The following KDM1A variants were observed in gnomAD, a reference collection of about 807,000 sequenced individuals.
KDM1A encodes lysine-specific histone demethylase 1A.
In KDM1A, 49 loss-of-function variants were observed where a neutral mutation model predicts 109.4. The ratio of observed to expected loss-of-function variants is 0.45; its 90% CI spans 0.36 to 0.57. KDM1A has a LOEUF of 0.57. KDM1A is among the 20% of genes least tolerant of loss of function. KDM1A has a pLI of 0.00. For synonymous variants in KDM1A, 380 were observed against 415.4 expected (o/e 0.91, Z 1.04); for missense variants, 668 against 1,116.6 (o/e 0.60, Z 5.73).
intron 16 of KDM1A, 97 bp from the exon 17 acceptor site, chr1:23,078,893 T>A (rs1164522350): frequency 9.3e-7 from 1 of 1,077,716 alleles, no homozygotes; most frequent in Non-Finnish European, 1.3e-6. Flanking sequence ...AAATGAGAAT[T>A]GAGAAATGGA....
At chr1:23,055,859 T>G in intron 6 of KDM1A, 73 bp from the exon 7 acceptor site, 1 of 907,950 alleles carries the variant, frequency 1.1e-6, no homozygotes, top group Non-Finnish European at 1.7e-6. Flanking sequence ...CCTAGAGGTT[T>G]TCATGAAATA....
At chr1:23,055,251 T>G in intron 6 of KDM1A, 90 bp downstream of exon 6, 1 of 606,624 alleles carries the variant, frequency 1.6e-6, no homozygotes, top group Non-Finnish European at 2.8e-6. Flanking sequence ...GTTAGGATTT[T>G]ATTTTGATTC....
At chr1:23,048,148 C>T (rs988168654) in intron 3 of KDM1A, among the ~76,000 whole-genome samples, 5 of 151,634 alleles carry the variant, frequency 3.3e-5, no homozygotes, top group Admixed American at 6.6e-5. Flanking sequence ...ATGAATTATA[C>T]CAAGAATTGA....
chr1:23,083,604 T>C lies in KDM1A; in HGVS notation c.*240T>C, dbSNP rs1643685743. The C allele has an allele frequency of 2.6e-6, 1 of 377,874 alleles. No individual in the cohort carries two copies. The highest frequency in any genetic ancestry group is 4.1e-5 in the Admixed American group (1 of 24,622). The allele number at this position is 377,874 out of a possible 1,614,324, so 23.4% of individuals were successfully genotyped here. A position where few individuals can be genotyped will look rare whatever the true frequency, so the allele number is the denominator to read the frequency against. On this transcript the variant is annotated 3_prime_UTR_variant, in exon 21 of 21. Transcript: ENST00000400181. ...CGTAAAGACTGAGGCAAGCAAGTGC[T>C]GTGAAATAACATCATCTTAGTCCCT...
intron 2 of KDM1A, among the ~76,000 whole-genome samples, chr1:23,037,513 A>G (rs1191568071): frequency 2.6e-5 from 4 of 152,220 alleles, no homozygotes; most frequent in African/African-American, 9.7e-5. Context: ...AATTTAGCTG[A>G]TAAACATGCA....
intron 5 of KDM1A, among the ~76,000 whole-genome samples, chr1:23,054,244 T>C (rs1642757500): frequency 1.3e-5 from 2 of 152,088 alleles, no homozygotes; most frequent in Admixed American, 1.3e-4. Context: ...ATTCCATTTG[T>C]GGTGGAATGA....
Position 23,019,962 on chromosome 1 carries a change from T to A in KDM1A, c.351+15T>A. 6.6e-7 allele frequency: 1 copy of A among 1,513,452 alleles called. No individual in the cohort carries two copies. Among genetic ancestry groups the A allele is most frequent in the Non-Finnish European group, 8.8e-7 (1 of 1,135,524 alleles). 93.8% of individuals were successfully genotyped at this position (1,513,452 alleles called of 1,614,324 possible). A position where few individuals can be genotyped will look rare whatever the true frequency, so the allele number is the denominator to read the frequency against. On this transcript the variant is annotated intron_variant, in intron 1 of 20. Transcript: ENST00000400181. ...AGCGGGCGAAGGTAAGGCTCGACCC[T>A]TCCCTCAAACGACACCGCCTGGTGC...
intron 4 of KDM1A, 134 bp downstream of exon 4, chr1:23,050,654 C>T (rs1569725749): frequency 2.9e-6 from 2 of 685,110 alleles, no homozygotes; most frequent in Admixed American, 4.0e-5. Context: ...CAGAGATAAC[C>T]TTTGTTAATA....
intron 12 of KDM1A, 74 bp from the exon 13 acceptor site, chr1:23,071,151 A>G (rs1455750583): frequency 7.4e-7 from 1 of 1,352,570 alleles, no homozygotes; most frequent in African/African-American, 1.5e-5. Context: ...TGAGGAGCCA[A>G]AAAAGGGTAC....
At chr1:23,040,576 A>C (rs1642280939) in intron 2 of KDM1A, among the ~76,000 whole-genome samples, 1 of 151,902 alleles carries the variant, frequency 6.6e-6, no homozygotes, top group Non-Finnish European at 1.5e-5. Context: ...GTGGGAGGCT[A>C]GGAGTTCAAA....
chr1:23,072,605 C>T (rs894204581), intron 14 of KDM1A, among the ~76,000 whole-genome samples: 3 of 152,186 alleles, frequency 2.0e-5, no homozygotes, highest in African/African-American at 7.2e-5. Context: ...TGCATCCAGC[C>T]TCCACATAAA....
chr1:23,045,408 A>G (rs571228877), intron 3 of KDM1A, among the ~76,000 whole-genome samples: 39 of 152,318 alleles, frequency 2.6e-4, no homozygotes, highest in African/African-American at 8.4e-4. Flanking sequence ...TAATACAGCA[A>G]TTAGTAATAA....
At chr1:23,058,330 C>T (rs1454633547) in intron 8 of KDM1A, among the ~76,000 whole-genome samples, 1 of 152,128 alleles carries the variant, frequency 6.6e-6, no homozygotes, top group South Asian at 2.1e-4. Context: ...CCACCCACCT[C>T]GGCCTCCCAA....
chr1:23,077,040 T>C (rs1454868507), intron 15 of KDM1A, among the ~76,000 whole-genome samples, 188 bp from the exon 16 acceptor site: 1 of 151,894 alleles, frequency 6.6e-6, no homozygotes, highest in Non-Finnish European at 1.5e-5. Flanking sequence ...CATTTTTTGG[T>C]GTTTTCTCTT....
At chr1:23,070,347 T>G (rs1643281489) in intron 12 of KDM1A, among the ~76,000 whole-genome samples, 1 of 152,120 alleles carries the variant, frequency 6.6e-6, no homozygotes, top group South Asian at 2.1e-4. Flanking sequence ...AGCACACACC[T>G]GTAATCCCAG....
At chr1:23,040,615 G>A (rs1002201086) in intron 2 of KDM1A, among the ~76,000 whole-genome samples, 12 of 148,074 alleles carry the variant, frequency 8.1e-5, no homozygotes, top group African/African-American at 2.5e-4. Context: ...TCGAGAACTC[G>A]TCTCTACAAA....
At chr1:23,051,031 G>T (rs1312741391) in intron 4 of KDM1A, among the ~76,000 whole-genome samples, 1 of 152,174 alleles carries the variant, frequency 6.6e-6, no homozygotes, top group Non-Finnish European at 1.5e-5. Flanking sequence ...GTTGCAGTGA[G>T]CCGAGATCGT....
At chr1:23,066,016 TGTTA>T in intron 9 of KDM1A, 40 bp from the exon 10 acceptor site, 1 of 1,603,810 alleles carries the variant, frequency 6.2e-7, no homozygotes, top group East Asian at 2.2e-5. Flanking sequence ...GCTGTTGGGC[TGTTA>T]TTTACAGTTT....
intron 4 of KDM1A, 52 bp from the exon 5 acceptor site, chr1:23,053,709 A>G: frequency 4.0e-6 from 5 of 1,240,760 alleles, no homozygotes; most frequent in Non-Finnish European, 5.9e-6. Context: ...AAAGATAGTC[A>G]AATAACATAT....
Sources: gnomAD v4.1 joint callset for allele counts (sites outside exome capture counted in the v4.1 genomes callset) on GRCh38, gnomAD v4.1.1 for gene constraint, MANE v1.5 for transcripts, NCBI Gene and HGNC (gene_info 2026-07-23, HGNC 2026-07-21) for gene names.